The following CD14 variants were observed in gnomAD, a reference collection of about 807,000 sequenced individuals.
The protein encoded by CD14 is monocyte differentiation antigen CD14.
Under a neutral mutation model 2.5 loss-of-function variants are expected in CD14, and 4 were observed. That is an observed-to-expected ratio of 1.63 (90% confidence interval 0.80 to 3.72). The LOEUF (loss-of-function observed/expected upper bound fraction) is 3.72, where lower values mean the gene tolerates loss of function less well. Among genes scored for constraint, CD14 ranks in the 30% most tolerant of loss-of-function variants. The pLI is 0.01. For missense variants in CD14, 478 were observed against 497.8 expected, an observed-to-expected ratio of 0.96 and a Z score of 0.38; for synonymous variants, 236 against 235.1, an observed-to-expected ratio of 1.00 and a Z score of -0.04.
At position 140,632,764 on chromosome 5, in the gene CD14, C is replaced by T; in HGVS notation, c.220G>A (p.Asp74Asn). 1.2e-6 allele frequency: 2 copies of T among 1,613,416 alleles called. No homozygotes were observed. ...TACTGCCGCGGGTCGGCGTCCGCATCGACGCGCTTTAGAAACGGCTCTAGG... is the reference window on the plus strand; with the variant it reads ...TACTGCCGCGGGTCGGCGTCCGCATTGACGCGCTTTAGAAACGGCTCTAGG... ...LNLEPFLKRV[D>N]ADADPRQYAD... Residue 74 changes from aspartate (D) to asparagine (N), a missense_variant, in exon 2 of 2, where the codon GAT (aspartate) becomes AAT (asparagine). Transcript: ENST00000302014. The surrounding 1 kb of genome is among the most constrained non-coding windows in gnomAD (Gnocchi z 6.2).
upstream of CD14, chr5:140,633,242 A>G (rs1581449970): frequency 2.6e-6 from 2 of 761,434 alleles, no homozygotes; most frequent in African/African-American, 1.7e-5. Flanking sequence ...TCCTCTGTGA[A>G]CCCTGATCAC....
Position 140,631,989 on chromosome 5 carries a change from A to G in CD14, c.995T>C (p.Leu332Pro). Residue 332 changes from leucine (L) to proline (P), a missense_variant, in exon 2 of 2, where the codon CTG (leucine) becomes CCG (proline). Transcript: ENST00000302014. ...DNLTLDGNPF[L>P]VPGTALPHEG... ...GTGGGGGAGGGCAGTTCCAGGGACC[A>G]GGAAGGGATTCCCGTCCAGTGTCAG... 3.1e-6 allele frequency: 5 copies of G among 1,614,040 alleles called. No individual in the cohort carries two copies. The highest frequency in any genetic ancestry group is 4.2e-6 in the Non-Finnish European group (5 of 1,179,908).
In CD14 at chr5:140,633,108, G is replaced by A. The variant is rs764370938; in HGVS notation, c.-37C>T. 25 of 1,613,720 alleles carry A rather than the reference G, an allele frequency of 1.5e-5. No individual in the cohort carries two copies. Among genetic ancestry groups the A allele is most frequent in the Non-Finnish European group, 1.9e-5 (23 of 1,179,840 alleles). On this transcript the variant is annotated 5_prime_UTR_variant, in exon 1 of 2. Coordinates refer to ENST00000302014, the MANE Select transcript of CD14 (RefSeq NM_000591.4). ...CTTCCGAACCTCTGAGCTCCGGACA[G>A]GCTCTGGAAGTGCTTTAGCTTCTTT...
In CD14 at chr5:140,632,664, A is replaced by G. The variant is rs1412075459; in HGVS notation, c.320T>C (p.Val107Ala). The G allele has an allele frequency of 6.2e-7, 1 of 1,613,800 alleles. No homozygotes were observed. Among genetic ancestry groups the G allele is most frequent in the Non-Finnish European group, 8.5e-7 (1 of 1,180,024 alleles). ...GAAQVPAQLL[V>A]GALRVLAYSR... is the part of the protein sequence containing the mutation. Reference sequence around the variant, plus strand: ...GTACGCTAGCACACGCAGGGCGCCTACCAGTAGCTGAGCAGGAACCTGTGC... The same window carrying G: ...GTACGCTAGCACACGCAGGGCGCCTGCCAGTAGCTGAGCAGGAACCTGTGC... Residue 107 changes from valine to alanine, a missense_variant, in exon 2 of 2, where the codon GTA becomes GCA. By Grantham distance (64) the Val-to-Ala change is moderately conservative. Transcript: ENST00000302014. This position sits in a 1 kb window ranked among gnomAD's most constrained non-coding sequence, Gnocchi z 6.2.
Position 140,633,020 on chromosome 5 carries a change from C to T in CD14, c.4-40G>A, listed in dbSNP as rs752952086. On this transcript the variant is annotated intron_variant, in intron 1 of 1. Transcript: ENST00000302014. ...GAGGTCTAGGAGGCCCCATCCAACCCCTGTGGCTCCCGAGTGGCACGCGTT... is the reference window on the plus strand; with the variant it reads ...GAGGTCTAGGAGGCCCCATCCAACCTCTGTGGCTCCCGAGTGGCACGCGTT... 19 of 1,614,032 alleles carry T rather than the reference C, an allele frequency of 1.2e-5. No individual in the cohort carries two copies. In the South Asian group the frequency reaches 1.8e-4, roughly 15 times the overall value.
At position 140,632,138 on chromosome 5, in the gene CD14, A is replaced by C; in HGVS notation, c.846T>G (p.Asn282Lys). The change falls in exon 2 of 2, where the codon AAT becomes AAG. Residue 282 changes from asparagine to lysine, a missense_variant. Physicochemically the swap from Asn to Lys is moderately conservative, Grantham distance 94 (BLOSUM62 0). Coordinates refer to ENST00000302014, the MANE Select transcript of CD14 (RefSeq NM_000591.4). The surrounding 1 kb of genome is among the most constrained non-coding windows in gnomAD (Gnocchi z 6.2). The stretch of plus-strand genomic sequence containing the variant: ...CCTGTTCCAGCCCAGCGAACGACAG[A>C]TTGAGGGAGTTCAGGGCGCTGGACC... ...CMWSSALNSL[N>K]LSFAGLEQVP... 2.5e-6 allele frequency: 4 copies of C among 1,614,088 alleles called. No individual in the cohort carries two copies. Among genetic ancestry groups the C allele is most frequent in the Non-Finnish European group, 3.4e-6 (4 of 1,180,016 alleles).
At position 140,631,787 on chromosome 5, in the gene CD14, C is replaced by G; in HGVS notation, c.*69G>C. 7.0e-7 allele frequency: 1 copy of G among 1,427,454 alleles called. No individual in the cohort carries two copies. The highest frequency in any genetic ancestry group is 9.5e-7 in the Non-Finnish European group (1 of 1,053,044). 88.4% of individuals were successfully genotyped at this position (1,427,454 alleles called of 1,614,324 possible). A position where few individuals can be genotyped will look rare whatever the true frequency, so the allele number is the denominator to read the frequency against. On this transcript the variant is annotated 3_prime_UTR_variant, in exon 2 of 2. Transcript: ENST00000302014. ...AAAGGGTTGAATTGGTCGAAAAGTC[C>G]TCAACGTCCTGACGGGACTCCCCTG... is the stretch of plus-strand genomic sequence containing the variant.
Sources: allele counts gnomAD v4.1 joint callset, GRCh38; gene constraint gnomAD v4.1.1; non-coding constraint Gnocchi (gnomAD v3.1); transcripts MANE v1.5; gene names NCBI Gene and HGNC (gene_info 2026-07-23, HGNC 2026-07-21).